The following PRICKLE2 variants were observed in gnomAD, a reference collection of about 807,000 sequenced individuals.
The protein encoded by PRICKLE2 is prickle planar cell polarity protein 2, also known as prickle-like protein 2.
PRICKLE2 carries 21 observed loss-of-function variants against 81.4 expected under a neutral mutation model. The ratio of observed to expected loss-of-function variants is 0.26; its 90% CI spans 0.18 to 0.37. The LOEUF (loss-of-function observed/expected upper bound fraction) is 0.37. Ranked by LOEUF, PRICKLE2 falls within the 10% of genes least tolerant of loss-of-function variation. The pLI is 1.00. For missense variants in PRICKLE2, 940 were observed against 1,109.0 expected (o/e 0.85, Z 2.16); for synonymous variants, 456 against 421.5 (o/e 1.08, Z -1.00).
chr3:64,184,095 A>T (rs2078180417), intron 2 of PRICKLE2, among the ~76,000 whole-genome samples: 1 of 152,206 alleles, frequency 6.6e-6, no homozygotes. Context: ...CCCAACATCT[A>T]TGGACAAGAA....
intron 7 of PRICKLE2, among the ~76,000 whole-genome samples, chr3:64,117,405 C>T (rs529777176): frequency 6.6e-6 from 1 of 152,124 alleles, no homozygotes; most frequent in Non-Finnish European, 1.5e-5. Context: ...GAGGGAAAGT[C>T]AAATCATCCC....
At chr3:64,109,906 T>G (rs2076816526) in intron 7 of PRICKLE2, among the ~76,000 whole-genome samples, 4 of 152,226 alleles carry the variant, frequency 2.6e-5, no homozygotes, top group African/African-American at 9.6e-5. Context: ...AGATAAAAAC[T>G]TGAGTGTGGA....
At chr3:64,134,494 T>G (rs1210536673) in intron 7 of PRICKLE2, among the ~76,000 whole-genome samples, 1 of 152,190 alleles carries the variant, frequency 6.6e-6, no homozygotes, top group Admixed American at 6.5e-5. Context: ...CTTTGTTGAC[T>G]GGGTATAGGG....
At chr3:64,213,188 T>C (rs900924686) in intron 1 of PRICKLE2, among the ~76,000 whole-genome samples, 1 of 151,768 alleles carries the variant, frequency 6.6e-6, no homozygotes, top group African/African-American at 2.4e-5. Flanking sequence ...GCAATTCTCC[T>C]GCCTCAGCCT....
At chr3:64,150,965 G>A (rs553897504) in intron 6 of PRICKLE2, among the ~76,000 whole-genome samples, 1 of 152,068 alleles carries the variant, frequency 6.6e-6, no homozygotes, top group South Asian at 2.1e-4. Context: ...ACATCTAAGC[G>A]TTCTTTTTTT....
intron 7 of PRICKLE2, among the ~76,000 whole-genome samples, chr3:64,133,852 T>C (rs551527024): frequency 1.4e-4 from 22 of 152,304 alleles, no homozygotes; most frequent in African/African-American, 5.3e-4. Flanking sequence ...GTCTGGATCA[T>C]TGACATGTAC....
rs1293017491 is a variant in PRICKLE2 at position 64,096,607 on chromosome 3, G to T, written c.*2444C>A. 1 of 152,196 alleles carries T rather than the reference G, an allele frequency of 6.6e-6. No homozygotes were observed. Among genetic ancestry groups the T allele is most frequent in the Non-Finnish European group, 1.5e-5 (1 of 68,048 alleles). The allele number at this position is 152,196 out of a possible 1,614,324, so 9.4% of individuals were successfully genotyped here. ...AGTAGACAGTTTTACCCTGAAGCTT[G>T]TATGTCATTTCATCTCAAGCTCTGA... is the stretch of plus-strand genomic sequence containing the variant. On this transcript the variant is annotated 3_prime_UTR_variant, in exon 8 of 8. Coordinates refer to ENST00000638394, the MANE Select transcript of PRICKLE2 (RefSeq NM_198859.4).
intron 7 of PRICKLE2, chr3:64,141,875 A>G: frequency 1.0e-6 from 1 of 985,132 alleles, no homozygotes; most frequent in Non-Finnish European, 1.2e-6. Flanking sequence ...CATCATCTTG[A>G]AATCTAGCTT....
intron 1 of PRICKLE2, among the ~76,000 whole-genome samples, chr3:64,219,005 C>A (rs1464220385): frequency 6.6e-6 from 1 of 152,176 alleles, no homozygotes; most frequent in African/African-American, 2.4e-5. Context: ...TGCCCACTGA[C>A]ACCCCCTCTT....
chr3:64,214,421 G>C (rs2078840547), intron 1 of PRICKLE2, among the ~76,000 whole-genome samples: 1 of 152,180 alleles, frequency 6.6e-6, no homozygotes, highest in Non-Finnish European at 1.5e-5. Context: ...ATTTTCAGGA[G>C]AGACCTGGCT....
At chr3:64,181,191 C>T (rs1412210717) in intron 2 of PRICKLE2, among the ~76,000 whole-genome samples, 7 of 152,100 alleles carry the variant, frequency 4.6e-5, no homozygotes, top group South Asian at 4.1e-4. Context: ...TATAGAATTC[C>T]GTTTATACAG....
At chr3:64,135,232 G>C (rs1032202075) in intron 7 of PRICKLE2, among the ~76,000 whole-genome samples, 1 of 152,156 alleles carries the variant, frequency 6.6e-6, no homozygotes, top group Non-Finnish European at 1.5e-5. Context: ...TAACAGAAAC[G>C]CACAGAGGTA....
chr3:64,160,023 T>C lies in PRICKLE2; in HGVS notation c.313A>G (p.Ser105Gly), dbSNP rs749787529. 1.9e-6 allele frequency: 3 copies of C among 1,614,170 alleles called. No homozygotes were observed. The South Asian group carries it at 3.3e-5, about 18-fold the overall frequency. ...AAGTTTTCGCGTTTCCTCTGGCTGCTGAAAAGCTTCAGCTCCCTCTTCTCT... is the reference window on the plus strand; with the variant it reads ...AAGTTTTCGCGTTTCCTCTGGCTGCCGAAAAGCTTCAGCTCCCTCTTCTCT... ...EEEKRELKLF[S>G]SQRKRENLGR... The change falls in exon 4 of 8, where the codon AGC (serine) becomes GGC (glycine). Residue 105 changes from serine (S) to glycine (G), a missense_variant. Ser to Gly is a moderately conservative substitution (Grantham distance 56). Coordinates refer to ENST00000638394, the MANE Select transcript of PRICKLE2 (RefSeq NM_198859.4).
chr3:64,099,500 C>T lies in PRICKLE2; in HGVS notation c.2086G>A (p.Asp696Asn), dbSNP rs2076619523. 6.3e-7 allele frequency: 1 copy of T among 1,595,284 alleles called. No homozygotes were observed. The highest frequency in any genetic ancestry group is 8.6e-7 in the Non-Finnish European group (1 of 1,166,536). The change falls in exon 8 of 8, where the codon GAC (aspartate) becomes AAC (asparagine). Residue 696 changes from aspartate to asparagine, a missense_variant. This residue lies in a region of PRICKLE2 where 670 missense variants were observed against 717.2 expected (regional missense o/e 0.93). Coordinates refer to ENST00000638394, the MANE Select transcript of PRICKLE2 (RefSeq NM_198859.4). This position sits in a 1 kb window ranked among gnomAD's most constrained non-coding sequence, Gnocchi z 4.3. Reference sequence around the variant, plus strand: ...TCGCTGGCCAGGTGGAGGGCGTTGTCGGAGCGAGAGCGTCGGGAACGCCTG... The same window carrying T: ...TCGCTGGCCAGGTGGAGGGCGTTGTTGGAGCGAGAGCGTCGGGAACGCCTG... ...RSRRSRRSRSDNALHLASERE... is the reference protein window; with the variant it reads ...RSRRSRRSRSNNALHLASERE...
chr3:64,228,536 G>GTTTT (rs55638435), upstream of PRICKLE2, among the ~76,000 whole-genome samples: 1 of 148,174 alleles, frequency 6.7e-6, no homozygotes, highest in African/African-American at 2.5e-5. Flanking sequence ...CTAATGAGGT[G>GTTTT]TTTTTTTTTT....
intron 7 of PRICKLE2, among the ~76,000 whole-genome samples, chr3:64,110,967 A>AAAG (rs1362199539): frequency 2.0e-5 from 3 of 150,970 alleles, no homozygotes; most frequent in Admixed American, 6.6e-5. Context: ...CTCAAAAAAA[A>AAAG]AAAAAAAAAA....
rs142087106 is a variant in PRICKLE2, at chr3:64,176,213, T to G, written c.145-13084A>C. ...AAACAGGGTCCTTAGTAGGGCATAC[T>G]GCTGCCCAGAATACAATCAGGTTCC... On this transcript the variant is annotated intron_variant, in intron 2 of 7. Transcript: ENST00000638394. Among the ~76,000 whole-genome samples, 14 of 152,310 alleles carry G rather than the reference T, an allele frequency of 9.2e-5. No homozygotes were observed. The East Asian group carries it at 2.5e-3, about 27-fold the overall frequency.
intron 2 of PRICKLE2, among the ~76,000 whole-genome samples, chr3:64,254,996 T>C (rs2079504379): frequency 6.6e-6 from 1 of 152,198 alleles, no homozygotes; most frequent in South Asian, 2.1e-4. Context: ...CATTTAGATA[T>C]TCTCCCTAAC....
At chr3:64,254,079 G>A (rs1034024674) in intron 2 of PRICKLE2, among the ~76,000 whole-genome samples, 4 of 152,182 alleles carry the variant, frequency 2.6e-5, no homozygotes, top group African/African-American at 9.7e-5. Context: ...CTTGCTTGGT[G>A]GTAGACAGCT....
Sources: gnomAD v4.1 joint callset for allele counts (sites outside exome capture counted in the v4.1 genomes callset) on GRCh38, gnomAD v4.1.1 for gene constraint, gnomAD v4.1.1 regional missense constraint, Gnocchi (gnomAD v3.1) non-coding constraint, MANE v1.5 for transcripts, NCBI Gene and HGNC (gene_info 2026-07-23, HGNC 2026-07-21) for gene names.